CFAP54: variants seen among roughly 807,000 people sequenced by gnomAD.
The protein encoded by CFAP54 is cilia- and flagella-associated protein 54.
In CFAP54, 290 loss-of-function variants were observed where a neutral mutation model predicts 370.4. The ratio of observed to expected loss-of-function variants is 0.78; its 90% confidence interval spans 0.71 to 0.86. The LOEUF (loss-of-function observed/expected upper bound fraction) is 0.86. Ranked by LOEUF, CFAP54 falls within the 40% of genes least tolerant of loss-of-function variation. The pLI is 0.00. For synonymous variants in CFAP54, 1,206 were observed against 1,236.5 expected (o/e 0.98, Z 0.52); for missense variants, 3,399 against 3,528.7 (o/e 0.96, Z 0.93).
At chr12:96,621,781 T>C in intron 27 of CFAP54, 60 bp downstream of exon 27, 1 of 1,313,842 alleles carries the variant, frequency 7.6e-7, no homozygotes, top group Non-Finnish European at 1.0e-6. Context: ...TTAGGGGTAA[T>C]GTAGTATTAT....
At chr12:96,768,679 TAAAAC>T (rs981206823) in intron 60 of CFAP54, among the ~76,000 whole-genome samples, 51 of 150,786 alleles carry the variant, frequency 3.4e-4, no homozygotes, top group Non-Finnish European at 5.0e-4. Context: ...CAAAGCAAAA[TAAAAC>T]AAAACAAAAC....
chr12:96,719,966 A>G (rs1565953207), intron 49 of CFAP54, among the ~76,000 whole-genome samples: 2 of 152,174 alleles, frequency 1.3e-5, no homozygotes, highest in Non-Finnish European at 2.9e-5. Context: ...TATATATTAA[A>G]TATACTGTTA....
chr12:96,625,340 A>T (rs531696472), intron 28 of CFAP54, among the ~76,000 whole-genome samples: 51 of 152,326 alleles, frequency 3.3e-4, no homozygotes, highest in African/African-American at 1.1e-3. Flanking sequence ...TCCAGCAGTG[A>T]CTGTGTTATA....
chr12:96,830,902 C>G (rs1397952932), intron 66 of CFAP54, among the ~76,000 whole-genome samples: 10 of 152,206 alleles, frequency 6.6e-5, no homozygotes, highest in Non-Finnish European at 1.3e-4. Context: ...TCTTGTACTT[C>G]TGACCTCAAG....
At chr12:96,783,460 A>T (rs1288928937) in intron 60 of CFAP54, among the ~76,000 whole-genome samples, 1 of 152,252 alleles carries the variant, frequency 6.6e-6, no homozygotes, top group Non-Finnish European at 1.5e-5. Context: ...ATATATGTAA[A>T]TGATAGAAAT....
chr12:96,552,021 TG>T (rs1955700181), intron 15 of CFAP54, among the ~76,000 whole-genome samples: 1 of 151,674 alleles, frequency 6.6e-6, no homozygotes, highest in African/African-American at 2.4e-5. Context: ...CCAAGGCGGG[TG>T]GATCACCTGA....
chr12:96,652,826 TA>T (rs1956876936), intron 36 of CFAP54, among the ~76,000 whole-genome samples: 1 of 151,814 alleles, frequency 6.6e-6, no homozygotes, highest in African/African-American at 2.4e-5. Context: ...ACAATAACGA[TA>T]AAAAAGCCGA....
chr12:96,539,775 G>A (rs1041073228), intron 13 of CFAP54, among the ~76,000 whole-genome samples: 1 of 152,104 alleles, frequency 6.6e-6, no homozygotes, highest in African/African-American at 2.4e-5. Flanking sequence ...ATACAGAGAC[G>A]TAAGAGTGTC....
At chr12:96,730,013 G>A (rs1957902155) in intron 50 of CFAP54, among the ~76,000 whole-genome samples, 2 of 152,194 alleles carry the variant, frequency 1.3e-5, no homozygotes, top group Admixed American at 1.3e-4. Context: ...TCGAGTAGGA[G>A]CCCGGTCCAG....
chr12:96,641,385 C>A (rs1161950996), intron 32 of CFAP54, among the ~76,000 whole-genome samples: 1 of 152,184 alleles, frequency 6.6e-6, no homozygotes, highest in Non-Finnish European at 1.5e-5. Context: ...GAGATACCAT[C>A]TCACACCAGT....
In CFAP54 at chr12:96,658,282, A is replaced by C; in HGVS notation, c.5396A>C (p.Lys1799Thr). ...CGCCAGCTTCTGCTGAGAATACAGAAGTTCAAGGGCCCAGATATTACCCAA... is the reference window on the plus strand; with the variant it reads ...CGCCAGCTTCTGCTGAGAATACAGACGTTCAAGGGCCCAGATATTACCCAA... ...AQRQLLLRIQ[K>T]FKGPDITQQP... The change falls in exon 38 of 68, where the codon AAG becomes ACG. Residue 1799 changes from lysine (K) to threonine (T), a missense_variant. Lys to Thr is a moderately conservative substitution (Grantham distance 78, BLOSUM62 -1). This residue lies in a region of CFAP54 where 2,796 missense variants were observed against 2,869.7 expected (regional missense o/e 0.97). Transcript: ENST00000524981. 1 of 1,614,186 alleles carries C rather than the reference A, an allele frequency of 6.2e-7. No homozygotes were observed. The highest frequency in any genetic ancestry group is 8.5e-7 in the Non-Finnish European group (1 of 1,180,008).
chr12:96,636,311 G>A (rs1956663962), intron 32 of CFAP54, among the ~76,000 whole-genome samples: 2 of 152,104 alleles, frequency 1.3e-5, no homozygotes, highest in Non-Finnish European at 2.9e-5. Flanking sequence ...CTTTGAGTCT[G>A]TAATCTTTTT....
intron 67 of CFAP54, among the ~76,000 whole-genome samples, chr12:96,874,469 T>A (rs1960242341): frequency 6.6e-6 from 1 of 152,046 alleles, no homozygotes; most frequent in Admixed American, 6.6e-5. Flanking sequence ...AACAGAAGAA[T>A]AGAAAATAAA....
intron 23 of CFAP54, among the ~76,000 whole-genome samples, 164 bp from the exon 24 acceptor site, chr12:96,592,326 A>G (rs1192331426): frequency 6.6e-6 from 1 of 152,084 alleles, no homozygotes; most frequent in African/African-American, 2.4e-5. Flanking sequence ...CAGTAGTTTA[A>G]TTTTCTTAGT....
intron 66 of CFAP54, among the ~76,000 whole-genome samples, chr12:96,852,515 A>C (rs1459443959): frequency 1.3e-5 from 2 of 152,142 alleles, no homozygotes; most frequent in Non-Finnish European, 2.9e-5. Flanking sequence ...TACAAAGTGA[A>C]TTCCAAATTG....
At chr12:96,874,064 C>T (rs1409112285) in intron 67 of CFAP54, among the ~76,000 whole-genome samples, 1 of 152,170 alleles carries the variant, frequency 6.6e-6, no homozygotes, top group Non-Finnish European at 1.5e-5. Context: ...ATTTTATCTC[C>T]AACCCAGAGT....
chr12:96,800,503 A>G (rs1592769392), intron 63 of CFAP54, among the ~76,000 whole-genome samples: 1 of 152,192 alleles, frequency 6.6e-6, no homozygotes, highest in East Asian at 1.9e-4. Context: ...TTGGGTCATG[A>G]TAAAAGATGT....
rs754313435 is a variant in CFAP54 at position 96,840,616 on chromosome 12, C to CTCTTT, written c.9171+11529_9171+11530insCTTTT. On this transcript the variant is annotated intron_variant, in intron 66 of 67. Coordinates refer to ENST00000524981, the MANE Select transcript of CFAP54 (RefSeq NM_001306084.2). ...GAGCTACAGACTTTCTTTCTTTTCT[C>CTCTTT]TGTTTCTTTCTTTTTTTTTTTTTTT... is the stretch of plus-strand genomic sequence containing the variant. Among the ~76,000 whole-genome samples, 3 of 93,372 alleles carry CTCTTT rather than the reference C, an allele frequency of 3.2e-5. 1 individual carries two copies. The highest frequency in any genetic ancestry group is 6.1e-5 in the Non-Finnish European group (3 of 48,948). The allele number at this position is 93,372 out of a possible 152,430, so 61.3% of individuals were successfully genotyped here.
At chr12:96,747,785 A>G (rs1958133971) in intron 55 of CFAP54, among the ~76,000 whole-genome samples, 1 of 152,182 alleles carries the variant, frequency 6.6e-6, no homozygotes, top group Admixed American at 6.5e-5. Flanking sequence ...TTTTCCCTAT[A>G]TATTTGAAAT....
Sources: gnomAD v4.1 joint callset for allele counts (sites outside exome capture counted in the v4.1 genomes callset) on GRCh38, gnomAD v4.1.1 for gene constraint, gnomAD v4.1.1 regional missense constraint, MANE v1.5 for transcripts, NCBI Gene and HGNC (gene_info 2026-07-23, HGNC 2026-07-21) for gene names.